The following ZNF516 variants were observed in gnomAD, a reference collection of about 807,000 sequenced individuals.
ZNF516 encodes zinc finger protein 516.
In ZNF516, 19 loss-of-function variants were observed where a neutral mutation model predicts 79.7. The ratio of observed to expected loss-of-function variants is 0.24; its 90% CI spans 0.17 to 0.35. The LOEUF is 0.35. Among genes scored for constraint, ZNF516 ranks in the 10% least tolerant of loss-of-function variants. The pLI, the probability that ZNF516 is intolerant of heterozygous loss-of-function variation, is 1.00. For synonymous variants in ZNF516, 877 were observed against 739.5 expected, an observed-to-expected ratio of 1.19 and a Z score of -3.02; for missense variants, 1,678 against 1,679.5, an observed-to-expected ratio of 1.00 and a Z score of 0.02.
At chr18:76,434,651 G>T (rs1312227874) in intron 3 of ZNF516, among the ~76,000 whole-genome samples, 1 of 152,176 alleles carries the variant, frequency 6.6e-6, no homozygotes, top group Non-Finnish European at 1.5e-5. Context: ...CGTACAACAT[G>T]GGCACAAGTG....
chr18:76,494,155 C>T (rs901119620), intron 1 of ZNF516, among the ~76,000 whole-genome samples: 1 of 152,216 alleles, frequency 6.6e-6, no homozygotes, highest in African/African-American at 2.4e-5. Flanking sequence ...TAAACTGCTG[C>T]TTTTAAATAC....
At chr18:76,381,290 G>A (rs2074888913) in intron 3 of ZNF516, among the ~76,000 whole-genome samples, 1 of 152,130 alleles carries the variant, frequency 6.6e-6, no homozygotes, top group African/African-American at 2.4e-5. Flanking sequence ...TTACGGCCTT[G>A]GGTTTCTGTA....
chr18:76,401,627 C>A (rs1249029230), intron 3 of ZNF516, among the ~76,000 whole-genome samples: 1 of 151,948 alleles, frequency 6.6e-6, no homozygotes, highest in Non-Finnish European at 1.5e-5. Context: ...CCCTATGTGG[C>A]CCCTGGACAG....
At chr18:76,433,271 A>G (rs979398492) in intron 3 of ZNF516, among the ~76,000 whole-genome samples, 1 of 152,132 alleles carries the variant, frequency 6.6e-6, no homozygotes, top group Non-Finnish European at 1.5e-5. Context: ...ACATTTCTCC[A>G]TGGAGTTCGC....
At chr18:76,368,522 G>C (rs569700393) in intron 6 of ZNF516, among the ~76,000 whole-genome samples, 8 of 62,104 alleles carry the variant, frequency 1.3e-4, no homozygotes, top group African/African-American at 5.3e-4. Context: ...TGAAAGGAAA[G>C]CTCACCCACC....
chr18:76,490,624 A>T (rs1299486227), intron 1 of ZNF516: 3 of 333,728 alleles, frequency 9.0e-6, no homozygotes, highest in Non-Finnish European at 1.3e-5. Context: ...CATTTTCTTT[A>T]ATAGTATTTA....
At chr18:76,424,600 TC>T (rs1237390234) in intron 3 of ZNF516, among the ~76,000 whole-genome samples, 3 of 64,138 alleles carry the variant, frequency 4.7e-5, no homozygotes, top group African/African-American at 6.3e-5. Flanking sequence ...GTGAAAAGGC[TC>T]CCCCGAAACA....
At chr18:76,399,933 C>T (rs2075196430) in intron 3 of ZNF516, among the ~76,000 whole-genome samples, 1 of 152,188 alleles carries the variant, frequency 6.6e-6, no homozygotes, top group Non-Finnish European at 1.5e-5. Flanking sequence ...AGATACCTGG[C>T]TCTTTGGCCT....
intron 3 of ZNF516, among the ~76,000 whole-genome samples, chr18:76,433,021 T>C (rs979432730): frequency 6.6e-6 from 1 of 152,116 alleles, no homozygotes; most frequent in Non-Finnish European, 1.5e-5. Flanking sequence ...ACATCCTGAG[T>C]CCACACATCC....
rs570118125 is a variant in ZNF516 at position 76,374,323 on chromosome 18, A to C, written c.3260-2752T>G. ...GTATTATTTTATTACTGTTGTAGCA[A>C]TAAGTCATTTATGTTCTATTCCTGT... On this transcript the variant is annotated intron_variant, in intron 4 of 6. Coordinates refer to ENST00000443185, the MANE Select transcript of ZNF516 (RefSeq NM_014643.4). Among the ~76,000 whole-genome samples the C allele has an allele frequency of 7.9e-5, 12 of 152,348 alleles. No homozygotes were observed. In the South Asian group the frequency reaches 2.3e-3, roughly 29 times the overall value.
At chr18:76,461,674 C>T (rs573867519) in intron 2 of ZNF516, among the ~76,000 whole-genome samples, 2 of 152,260 alleles carry the variant, frequency 1.3e-5, no homozygotes, top group Non-Finnish European at 2.9e-5. Flanking sequence ...GCGCCTGGCA[C>T]ACAGTGGGCG....
intron 1 of ZNF516, among the ~76,000 whole-genome samples, chr18:76,468,583 AT>A (rs888063755): frequency 6.6e-6 from 1 of 151,226 alleles, no homozygotes; most frequent in African/African-American, 2.4e-5. Flanking sequence ...CACTCAGCTA[AT>A]TTTTTTTCTA....
intron 3 of ZNF516, among the ~76,000 whole-genome samples, chr18:76,399,244 G>T (rs1339868754): frequency 1.3e-5 from 2 of 152,114 alleles, no homozygotes; most frequent in Non-Finnish European, 2.9e-5. Context: ...AGATCATCAG[G>T]ACAAATGCAA....
rs2074538057 is a variant in ZNF516 at position 76,361,582 on chromosome 18, A to G, written c.*916T>C. 6.6e-6 allele frequency: 1 copy of G among 152,360 alleles called. No homozygotes were observed. The highest frequency in any genetic ancestry group is 3.4e-3 in the Middle Eastern group (1 of 294). The allele number at this position is 152,360 out of a possible 1,614,324, so 9.4% of individuals were successfully genotyped here. ...CTAGGGCACCTGAACCTGCTCAGGG[A>G]TTCTTCTGCCATTACTAAAACAGGT... On this transcript the variant is annotated 3_prime_UTR_variant, in exon 7 of 7. Coordinates refer to ENST00000443185, the MANE Select transcript of ZNF516 (RefSeq NM_014643.4).
At chr18:76,475,554 C>G (rs528529892) in intron 1 of ZNF516, among the ~76,000 whole-genome samples, 74 of 152,210 alleles carry the variant, frequency 4.9e-4, no homozygotes, top group Non-Finnish European at 8.8e-4. Flanking sequence ...TCCCTGCACG[C>G]TAAGAGAAAG....
intron 3 of ZNF516, among the ~76,000 whole-genome samples, chr18:76,381,603 A>T (rs986846016): frequency 1.3e-5 from 2 of 152,250 alleles, no homozygotes; most frequent in Admixed American, 6.5e-5. Flanking sequence ...GGGGTTCTTC[A>T]TCAGGGTGAG....
In ZNF516 at chr18:76,370,511, T is replaced by C. The variant is rs373207881; in HGVS notation, c.3432+17A>G. The C allele has an allele frequency of 1.4e-5, 22 of 1,593,414 alleles. No individual in the cohort carries two copies. The highest frequency in any genetic ancestry group is 1.8e-5 in the Non-Finnish European group (21 of 1,168,800). ...ACCGCATCGAAACCCAGACATCCAA[T>C]TCATCATGAGACCTACTTGTTTGGG... is the stretch of plus-strand genomic sequence containing the variant. On this transcript the variant is annotated intron_variant, in intron 6 of 6. Coordinates refer to ENST00000443185, the MANE Select transcript of ZNF516 (RefSeq NM_014643.4).
chr18:76,404,441 GT>G (rs2145243175), intron 3 of ZNF516, among the ~76,000 whole-genome samples: 1 of 151,954 alleles, frequency 6.6e-6, no homozygotes, highest in African/African-American at 2.4e-5. Flanking sequence ...ACGTGTAAGA[GT>G]GTGCATGTGT....
chr18:76,483,075 G>A (rs866629291), intron 1 of ZNF516, among the ~76,000 whole-genome samples: 5 of 152,126 alleles, frequency 3.3e-5, no homozygotes, highest in East Asian at 1.9e-4. Flanking sequence ...TGTTGGCTAC[G>A]TTTGCTCATG....
Sources: allele counts gnomAD v4.1 joint callset (sites outside exome capture counted in the v4.1 genomes callset), GRCh38; gene constraint gnomAD v4.1.1; transcripts MANE v1.5; gene names NCBI Gene and HGNC (gene_info 2026-07-23, HGNC 2026-07-21).